ZFHX4: variants seen among roughly 807,000 people sequenced by gnomAD.
The protein encoded by ZFHX4 is zinc finger homeobox 4, also known as zinc finger homeobox protein 4.
Under a neutral mutation model 267.6 loss-of-function variants are expected in ZFHX4, and 56 were observed. The observed-to-expected ratio is 0.21, with a 90% confidence interval of 0.17 to 0.26. ZFHX4 has a LOEUF of 0.26. ZFHX4 is among the 10% of genes least tolerant of loss of function. The pLI is 1.00. For synonymous variants in ZFHX4, 1,778 were observed against 1,665.6 expected, an observed-to-expected ratio of 1.07 and a Z score of -1.64; for missense variants, 4,332 against 4,420.0, an observed-to-expected ratio of 0.98 and a Z score of 0.56.
chr8:76,713,484 C>T (rs569622373), intron 3 of ZFHX4, among the ~76,000 whole-genome samples: 1 of 152,212 alleles, frequency 6.6e-6, no homozygotes, highest in African/African-American at 2.4e-5. Context: ...TAGAACCCAC[C>T]TACTCTATTT....
At chr8:76,768,503 C>T (rs566666646) in intron 3 of ZFHX4, among the ~76,000 whole-genome samples, 35 of 152,054 alleles carry the variant, frequency 2.3e-4, no homozygotes, top group Non-Finnish European at 4.0e-4. Context: ...AAGATGAGGG[C>T]AACATTAGAA....
Position 76,705,135 on chromosome 8 carries a change from T to C in ZFHX4, c.1047T>C (p.Ser349=), listed in dbSNP as rs1204374539. The part of the protein sequence containing the change: ...KKSTSVYPHF[S]TTNLIGPDPT... ...CCACTTCTGTTTATCCCCATTTTTCTACTACAAACCTCATAGGACCCGATC... is the reference window on the plus strand; with the variant it reads ...CCACTTCTGTTTATCCCCATTTTTCCACTACAAACCTCATAGGACCCGATC... The change falls in exon 2 of 11, where the codon TCT becomes TCC. Residue 349 remains serine (S), a synonymous_variant. Coordinates refer to ENST00000651372, the MANE Select transcript of ZFHX4 (RefSeq NM_024721.5). 3.1e-6 allele frequency: 5 copies of C among 1,613,610 alleles called. No individual in the cohort carries two copies. Among genetic ancestry groups the C allele is most frequent in the South Asian group, 2.2e-5 (2 of 91,038 alleles).
At chr8:76,765,811 C>T (rs1810036760) in intron 3 of ZFHX4, among the ~76,000 whole-genome samples, 1 of 151,972 alleles carries the variant, frequency 6.6e-6, no homozygotes, top group South Asian at 2.1e-4. Flanking sequence ...GAGGCAGTTA[C>T]TACAAGTCTT....
chr8:76,704,123 A>C lies in ZFHX4; in HGVS notation c.35A>C (p.Gln12Pro), dbSNP rs1355328511. Reference sequence around the variant, plus strand: ...TGTGACTCCCCTCCTATCTCAAGGCAGGAAAATGGGCAGAGCACATCAAAG... The same window carrying C: ...TGTGACTCCCCTCCTATCTCAAGGCCGGAAAATGGGCAGAGCACATCAAAG... The part of the protein sequence containing the change: ...ETCDSPPISR[Q>P]ENGQSTSKLC... The change falls in exon 2 of 11, where the codon CAG (glutamine) becomes CCG (proline). Residue 12 changes from glutamine (Q) to proline (P), a missense_variant. Transcript: ENST00000651372. 6.2e-7 allele frequency: 1 copy of C among 1,613,158 alleles called. No individual in the cohort carries two copies. Among genetic ancestry groups the C allele is most frequent in the East Asian group, 2.2e-5 (1 of 44,874 alleles).
At chr8:76,820,078 C>G (rs1163461278) in intron 4 of ZFHX4, among the ~76,000 whole-genome samples, 2 of 152,140 alleles carry the variant, frequency 1.3e-5, no homozygotes, top group Non-Finnish European at 2.9e-5. Context: ...GCTATTCTTT[C>G]TATGTCCTAG....
chr8:76,776,402 C>T (rs781179586), intron 3 of ZFHX4, among the ~76,000 whole-genome samples: 1 of 152,104 alleles, frequency 6.6e-6, no homozygotes, highest in East Asian at 1.9e-4. Context: ...GTCCTGTGGC[C>T]TCAGGCAAAT....
chr8:76,704,431 G>A lies in ZFHX4; in HGVS notation c.343G>A (p.Glu115Lys), dbSNP rs766486497. 21 of 1,614,002 alleles carry A rather than the reference G, an allele frequency of 1.3e-5. No homozygotes were observed. In the East Asian group the frequency reaches 2.2e-4, roughly 17 times the overall value. Residue 115 changes from glutamate (E) to lysine (K), a missense_variant, in exon 2 of 11, where the codon GAG becomes AAG. Physicochemically the swap from Glu to Lys is moderately conservative, Grantham distance 56 (BLOSUM62 1). Around this residue, in one of 7 missense-constraint regions of ZFHX4, gnomAD observed 1,195 missense variants for 1,173.6 expected, o/e 1.02. Transcript: ENST00000651372. ...TGTCCTGAAGGATGACAACGAGAGC[G>A]AGATCAGCGAGTTAGAGGACAGTGA... ...LPVLKDDNES[E>K]ISELEDSDVE...
intron 3 of ZFHX4, among the ~76,000 whole-genome samples, chr8:76,726,691 G>A (rs866100299): frequency 3.3e-5 from 5 of 152,096 alleles, no homozygotes; most frequent in African/African-American, 1.2e-4. Flanking sequence ...TTATATGCAC[G>A]TTGAACTACA....
intron 4 of ZFHX4, among the ~76,000 whole-genome samples, chr8:76,823,627 TA>T (rs1187783224): frequency 7.9e-5 from 12 of 152,234 alleles, no homozygotes; most frequent in Admixed American, 1.3e-4. Flanking sequence ...TATAACTACA[TA>T]AATCTGACCT....
intron 3 of ZFHX4, among the ~76,000 whole-genome samples, chr8:76,774,804 A>G (rs966574339): frequency 2.0e-5 from 3 of 152,150 alleles, no homozygotes; most frequent in African/African-American, 7.2e-5. Context: ...AAAGATTTTT[A>G]GTGCTTAATA....
intron 3 of ZFHX4, among the ~76,000 whole-genome samples, chr8:76,714,545 C>G (rs1202855810): frequency 6.6e-6 from 1 of 152,132 alleles, no homozygotes. Context: ...GCACAGCCAC[C>G]AATAACCGTG....
intron 4 of ZFHX4, among the ~76,000 whole-genome samples, chr8:76,778,981 C>T (rs1447386149): frequency 6.6e-6 from 1 of 152,120 alleles, no homozygotes; most frequent in Non-Finnish European, 1.5e-5. Context: ...TTTGGTTGAC[C>T]TGGTGCAGGG....
rs1470561291 is a variant in ZFHX4, at chr8:76,704,980, G to A, written c.892G>A (p.Val298Met). The change falls in exon 2 of 11, where the codon GTG becomes ATG. Residue 298 changes from valine (V) to methionine (M), a missense_variant. By Grantham distance (21) the Val-to-Met change is conservative. Transcript: ENST00000651372. ...GYIRSFVTHA[V>M]HDHRMTLNDE... is the part of the protein sequence containing the mutation. ...TATCAGGTCATTTGTAACCCATGCTGTGCATGATCATCGGATGACCCTCAA... is the reference window on the plus strand; with the variant it reads ...TATCAGGTCATTTGTAACCCATGCTATGCATGATCATCGGATGACCCTCAA... 1 of 1,613,926 alleles carries A rather than the reference G, an allele frequency of 6.2e-7. No homozygotes were observed.
chr8:76,713,796 CTAA>C (rs918462521), intron 3 of ZFHX4, among the ~76,000 whole-genome samples: 1 of 152,080 alleles, frequency 6.6e-6, no homozygotes, highest in Non-Finnish European at 1.5e-5. Flanking sequence ...GGAGGAATTT[CTAA>C]TGTTTGTGTG....
intron 10 of ZFHX4, 120 bp from the exon 11 acceptor site, chr8:76,862,974 G>C (rs116295007): frequency 7.3e-7 from 1 of 1,375,148 alleles, no homozygotes; most frequent in Non-Finnish European, 9.4e-7. Flanking sequence ...CCTATTGTGT[G>C]TAATACATCT....
chr8:76,719,164 GT>G, intron 3 of ZFHX4, among the ~76,000 whole-genome samples: 2 of 147,238 alleles, frequency 1.4e-5, no homozygotes, highest in African/African-American at 4.9e-5. Flanking sequence ...GTGTGTGTGT[GT>G]GTGTGTGTGT....
rs370973272 is a variant in ZFHX4, at chr8:76,855,373, G to C, written c.8452G>C (p.Glu2818Gln). 2.5e-6 allele frequency: 4 copies of C among 1,613,614 alleles called. No individual in the cohort carries two copies. In the Admixed American group the frequency reaches 5.0e-5, roughly 20 times the overall value. The change falls in exon 10 of 11, where the codon GAG becomes CAG. Residue 2818 changes from glutamate (E) to glutamine (Q), a missense_variant. Glu to Gln is a conservative substitution (Grantham distance 29). Around this residue, in one of 7 missense-constraint regions of ZFHX4, gnomAD observed 1,648 missense variants for 1,625.0 expected, o/e 1.01. Transcript: ENST00000651372. ...TAISDATTGD[E>Q]GNTEMESTTG... ...AATCAGTGACGCCACCACCGGAGACGAGGGAAACACTGAAATGGAAAGCAC... is the reference window on the plus strand; with the variant it reads ...AATCAGTGACGCCACCACCGGAGACCAGGGAAACACTGAAATGGAAAGCAC...
At chr8:76,819,365 G>C (rs935492847) in intron 4 of ZFHX4, among the ~76,000 whole-genome samples, 3 of 150,040 alleles carry the variant, frequency 2.0e-5, no homozygotes, top group South Asian at 2.1e-4. Flanking sequence ...AAATAAAAAG[G>C]ATTGATTAAA....
At chr8:76,833,017 A>T (rs1487412512) in intron 4 of ZFHX4, among the ~76,000 whole-genome samples, 1 of 152,202 alleles carries the variant, frequency 6.6e-6, no homozygotes, top group Non-Finnish European at 1.5e-5. Context: ...TCACTATAAC[A>T]CATAATCCTA....
Sources: gnomAD v4.1 joint callset for allele counts (sites outside exome capture counted in the v4.1 genomes callset) on GRCh38, gnomAD v4.1.1 for gene constraint, gnomAD v4.1.1 regional missense constraint, MANE v1.5 for transcripts, NCBI Gene and HGNC (gene_info 2026-07-23, HGNC 2026-07-21) for gene names.